Variants in NT5C2 observed in about 807,000 individuals in gnomAD.
NT5C2 encodes cytosolic purine 5'-nucleotidase.
NT5C2 carries 58 observed loss-of-function variants against 76.1 expected under a neutral mutation model. The ratio of observed to expected loss-of-function variants is 0.76; its 90% CI spans 0.62 to 0.95. The LOEUF (loss-of-function observed/expected upper bound fraction) is 0.95, where lower values mean the gene tolerates loss of function less well. NT5C2 is among the 40% of genes least tolerant of loss of function. The pLI is 0.00. For missense variants in NT5C2, 478 were observed against 690.3 expected (o/e 0.69, Z 3.45); for synonymous variants, 229 against 237.4 (o/e 0.96, Z 0.32).
intron 1 of NT5C2, among the ~76,000 whole-genome samples, chr10:103,185,780 C>T (rs551423597): frequency 6.6e-6 from 1 of 151,500 alleles, no homozygotes; most frequent in South Asian, 2.1e-4. Context: ...TTTCCTGTTA[C>T]AAAATAATTT....
intron 1 of NT5C2, among the ~76,000 whole-genome samples, chr10:103,191,896 T>G (rs1413094955): frequency 1.3e-5 from 2 of 152,154 alleles, no homozygotes; most frequent in Non-Finnish European, 2.9e-5. Flanking sequence ...CAACCCTGCA[T>G]GTGGAGTTTT....
chr10:103,139,703 C>T (rs1485827614), intron 3 of NT5C2, among the ~76,000 whole-genome samples: 4 of 152,136 alleles, frequency 2.6e-5, no homozygotes, highest in Non-Finnish European at 5.9e-5. Context: ...AACAAATTAA[C>T]ATACCCATTA....
chr10:103,177,740 G>A (rs1398184157), intron 2 of NT5C2, among the ~76,000 whole-genome samples: 6 of 152,086 alleles, frequency 3.9e-5, no homozygotes, highest in African/African-American at 1.4e-4. Flanking sequence ...TGTTGTCCAG[G>A]CTAAGTCTTT....
intron 3 of NT5C2, among the ~76,000 whole-genome samples, chr10:103,173,734 G>A (rs1232649310): frequency 6.6e-6 from 1 of 151,112 alleles, no homozygotes; most frequent in Non-Finnish European, 1.5e-5. Context: ...AAACCAGCCT[G>A]GCCAAGATGG....
chr10:103,142,587 G>T (rs1464800912), intron 3 of NT5C2, among the ~76,000 whole-genome samples: 8 of 152,046 alleles, frequency 5.3e-5, no homozygotes, highest in Non-Finnish European at 8.8e-5. Flanking sequence ...GGGATCTCCT[G>T]AGCCTGAGAG....
chr10:103,100,999 A>T, intron 8 of NT5C2, 46 bp downstream of exon 8: 2 of 1,063,988 alleles, frequency 1.9e-6, no homozygotes, highest in Non-Finnish European at 2.9e-6. Flanking sequence ...CCTGTGCATT[A>T]ATTTTAAAAA....
At chr10:103,184,611 C>T (rs912920936) in intron 1 of NT5C2, among the ~76,000 whole-genome samples, 1 of 152,172 alleles carries the variant, frequency 6.6e-6, no homozygotes, top group Admixed American at 6.5e-5. Context: ...AACCATTAAA[C>T]GTCTACACAT....
chr10:103,095,898 ATTG>A (rs1278343312), intron 12 of NT5C2, 38 bp downstream of exon 12: 13 of 1,538,382 alleles, frequency 8.5e-6, no homozygotes, highest in Non-Finnish European at 9.9e-6. Context: ...AAATGCATTC[ATTG>A]TTATTAAAGC....
chr10:103,183,365 T>A, intron 1 of NT5C2, among the ~76,000 whole-genome samples: 1 of 131,736 alleles, frequency 7.6e-6, no homozygotes. Context: ...AATCTATCCC[T>A]CCTTCTTGGA....
At chr10:103,114,807 A>G (rs979133653) in intron 4 of NT5C2, among the ~76,000 whole-genome samples, 1 of 152,186 alleles carries the variant, frequency 6.6e-6, no homozygotes, top group Non-Finnish European at 1.5e-5. Context: ...GGACCCCTAT[A>G]ATCGTCTGAA....
intron 3 of NT5C2, among the ~76,000 whole-genome samples, chr10:103,161,112 C>A (rs1018014371): frequency 4.2e-4 from 64 of 152,128 alleles, no homozygotes; most frequent in African/African-American, 1.4e-3. Context: ...AATGGTTTGG[C>A]AAAGTGGAAG....
intron 3 of NT5C2, among the ~76,000 whole-genome samples, chr10:103,167,790 C>A: frequency 6.6e-6 from 1 of 151,976 alleles, no homozygotes; most frequent in Admixed American, 6.6e-5. Flanking sequence ...CACCACCATG[C>A]CCAGCTAATT....
intron 1 of NT5C2, among the ~76,000 whole-genome samples, chr10:103,192,836 T>C (rs911062321): frequency 8.5e-5 from 13 of 152,072 alleles, no homozygotes; most frequent in Non-Finnish European, 1.9e-4. Context: ...TCAGCAGGAC[T>C]GAGGAAAGGG....
intron 1 of NT5C2, among the ~76,000 whole-genome samples, chr10:103,187,445 C>T (rs534735981): frequency 7.7e-5 from 11 of 143,530 alleles, no homozygotes; most frequent in Admixed American, 2.8e-4. Flanking sequence ...CCCAGCTACT[C>T]GGGAGATTAA....
At chr10:103,158,463 C>G (rs2041917820) in intron 3 of NT5C2, among the ~76,000 whole-genome samples, 1 of 151,888 alleles carries the variant, frequency 6.6e-6, no homozygotes, top group Non-Finnish European at 1.5e-5. Context: ...AAAACATCAA[C>G]AAAATTGACA....
chr10:103,138,445 G>A (rs190976324), intron 4 of NT5C2, among the ~76,000 whole-genome samples: 4 of 152,008 alleles, frequency 2.6e-5, no homozygotes, highest in East Asian at 3.9e-4. Context: ...CTCACCCCCC[G>A]ACAAGCCTCA....
intron 1 of NT5C2, among the ~76,000 whole-genome samples, chr10:103,191,083 A>C (rs1435069935): frequency 6.6e-6 from 1 of 152,226 alleles, no homozygotes; most frequent in Non-Finnish European, 1.5e-5. Context: ...CACTGAATTA[A>C]GCTTTTGGTA....
At position 103,136,908 on chromosome 10, in the gene NT5C2, C is replaced by T. The variant is rs572377600; in HGVS notation, c.175+2498G>A. On this transcript the variant is annotated intron_variant, in intron 4 of 18. Coordinates refer to ENST00000404739, the MANE Select transcript of NT5C2 (RefSeq NM_001351169.2). ...AAAGTGCTGGGATTACAGGCATGAGCCACCGCGCCAGGCCAATTAAGTGAC... is the reference window on the plus strand; with the variant it reads ...AAAGTGCTGGGATTACAGGCATGAGTCACCGCGCCAGGCCAATTAAGTGAC... Among the ~76,000 whole-genome samples the T allele has an allele frequency of 3.3e-5, 5 of 152,284 alleles. No individual in the cohort carries two copies. The East Asian group carries it at 9.6e-4, about 29-fold the overall frequency.
At chr10:103,107,922 A>G (rs558398474) in intron 4 of NT5C2, among the ~76,000 whole-genome samples, 31 of 152,290 alleles carry the variant, frequency 2.0e-4, no homozygotes, top group Admixed American at 1.1e-3. Flanking sequence ...TGGGAGCCCA[A>G]GGCGGGCGGA....
Sources: allele counts gnomAD v4.1 joint callset (sites outside exome capture counted in the v4.1 genomes callset), GRCh38; gene constraint gnomAD v4.1.1; transcripts MANE v1.5; gene names NCBI Gene and HGNC (gene_info 2026-07-23, HGNC 2026-07-21).